The following NEK11 variants were observed in gnomAD, a reference collection of about 807,000 sequenced individuals.
NEK11 encodes NIMA related kinase 11, also known as serine/threonine-protein kinase Nek11.
Under a neutral mutation model 80.7 loss-of-function variants are expected in NEK11, and 72 were observed. The ratio of observed to expected loss-of-function variants is 0.89; its 90% CI spans 0.74 to 1.08. The LOEUF is 1.08. Ranked by LOEUF, NEK11 falls within the 50% of genes least tolerant of loss-of-function variation. NEK11 has a pLI of 0.00. For synonymous variants in NEK11, 251 were observed against 260.7 expected (o/e 0.96, Z 0.36); for missense variants, 764 against 763.6 (o/e 1.00, Z -0.01).
At chr3:131,223,638 A>G (rs1252273311) in intron 14 of NEK11, among the ~76,000 whole-genome samples, 1 of 152,236 alleles carries the variant, frequency 6.6e-6, no homozygotes, top group Non-Finnish European at 1.5e-5. Flanking sequence ...AGAGTTGGGT[A>G]GTTGTGACAG....
At chr3:131,160,777 CT>C (rs1444318770) in intron 10 of NEK11, among the ~76,000 whole-genome samples, 9 of 152,122 alleles carry the variant, frequency 5.9e-5, no homozygotes, top group African/African-American at 2.2e-4. Context: ...GGTTGCTGTT[CT>C]AATTTCAAAC....
chr3:131,046,617 A>G (rs2067434787), intron 3 of NEK11, among the ~76,000 whole-genome samples: 1 of 151,544 alleles, frequency 6.6e-6, no homozygotes, highest in African/African-American at 2.4e-5. Context: ...GTTCTAGGGT[A>G]CATGTGCACA....
chr3:131,345,978 AAAG>A (rs2097356784), intron 17 of NEK11, among the ~76,000 whole-genome samples: 1 of 152,170 alleles, frequency 6.6e-6, no homozygotes, highest in Admixed American at 6.5e-5. Context: ...TTAAAAAAAA[AAAG>A]AGCTCAAGTA....
At chr3:131,066,629 T>A (rs1047977898) in intron 3 of NEK11, among the ~76,000 whole-genome samples, 1 of 151,542 alleles carries the variant, frequency 6.6e-6, no homozygotes, top group Non-Finnish European at 1.5e-5. Context: ...AGGTTAGAAG[T>A]TCAAGACCAG....
At chr3:131,223,990 A>G (rs2095112124) in intron 14 of NEK11, among the ~76,000 whole-genome samples, 1 of 152,198 alleles carries the variant, frequency 6.6e-6, no homozygotes, top group Admixed American at 6.5e-5. Flanking sequence ...CTGCATAACA[A>G]TCTTTTGGTC....
rs112607753 is a variant in NEK11, at chr3:131,185,531, C to T, written c.1399+14644C>T. 2.7e-3 allele frequency among the ~76,000 whole-genome samples: 418 copies of T among 152,156 alleles called. 2 individuals are homozygous for T. The highest frequency in any genetic ancestry group is 9.5e-3 in the African/African-American group (393 of 41,526). ...GACAGAAATGCTATTCCCTACTGTC[C>T]CCCACCAACTCAAATGCTCAACTGA... On this transcript the variant is annotated intron_variant, in intron 14 of 17. Transcript: ENST00000383366.
intron 14 of NEK11, among the ~76,000 whole-genome samples, chr3:131,185,323 A>C (rs1429949287): frequency 6.6e-6 from 1 of 152,156 alleles, no homozygotes; most frequent in Non-Finnish European, 1.5e-5. Context: ...GGGAGTAGGC[A>C]GAGAACCTTC....
intron 14 of NEK11, among the ~76,000 whole-genome samples, chr3:131,227,288 AC>A (rs1240270567): frequency 1.3e-5 from 2 of 152,204 alleles, no homozygotes; most frequent in African/African-American, 4.8e-5. Context: ...TAAGTATCTT[AC>A]TTTCAAAGGA....
intron 16 of NEK11, among the ~76,000 whole-genome samples, chr3:131,249,609 A>G (rs960638235): frequency 1.1e-4 from 16 of 152,106 alleles, no homozygotes; most frequent in Middle Eastern, 3.2e-3. Context: ...ATATTAAGTT[A>G]TGAAACCCCC....
chr3:131,280,783 A>C (rs2096383940), intron 17 of NEK11, among the ~76,000 whole-genome samples: 1 of 152,170 alleles, frequency 6.6e-6, no homozygotes, highest in African/African-American at 2.4e-5. Context: ...TCTTTGTTTT[A>C]GTTGCTTGGA....
chr3:131,063,712 A>G (rs764515761), intron 3 of NEK11, among the ~76,000 whole-genome samples: 2 of 152,166 alleles, frequency 1.3e-5, no homozygotes, highest in Non-Finnish European at 2.9e-5. Flanking sequence ...ACATAAAAGT[A>G]GTATTTGAAA....
chr3:131,270,681 G>C (rs1023823632), intron 16 of NEK11, among the ~76,000 whole-genome samples: 3 of 152,188 alleles, frequency 2.0e-5, no homozygotes, highest in Non-Finnish European at 2.9e-5. Flanking sequence ...TGCCAACCCT[G>C]TTACTCGAAA....
At chr3:131,208,890 T>A (rs1474139991) in intron 14 of NEK11, among the ~76,000 whole-genome samples, 3 of 152,234 alleles carry the variant, frequency 2.0e-5, no homozygotes, top group Admixed American at 1.3e-4. Flanking sequence ...TTTCTAAGTA[T>A]ACAATCATGT....
intron 16 of NEK11, among the ~76,000 whole-genome samples, chr3:131,244,766 T>G (rs1252382998): frequency 6.6e-6 from 1 of 151,958 alleles, no homozygotes; most frequent in Non-Finnish European, 1.5e-5. Context: ...TAACCAAATT[T>G]TTTAAAATTC....
chr3:131,209,516 C>T (rs766566339), intron 14 of NEK11, among the ~76,000 whole-genome samples: 15 of 152,184 alleles, frequency 9.9e-5, no homozygotes, highest in Admixed American at 2.6e-4. Flanking sequence ...AGGATTCCCT[C>T]TTTTTCTATT....
intron 4 of NEK11, among the ~76,000 whole-genome samples, chr3:131,085,844 A>T (rs1426030692): frequency 6.6e-6 from 1 of 152,138 alleles, no homozygotes; most frequent in Non-Finnish European, 1.5e-5. Context: ...CTATTCTAGG[A>T]TCCAATCCAG....
At chr3:131,053,341 A>T (rs1479627713) in intron 3 of NEK11, 1 of 152,252 alleles carries the variant, frequency 6.6e-6, no homozygotes, top group South Asian at 2.1e-4. Context: ...GGCTAAATTA[A>T]TAAAAGGCTA....
In NEK11 at chr3:131,120,134, GT is replaced by G. The variant is rs1249945254; in HGVS notation, c.455+10216del. Among the ~76,000 whole-genome samples the G allele has an allele frequency of 2.6e-5, 4 of 152,292 alleles. No individual in the cohort carries two copies. In the East Asian group the frequency reaches 7.7e-4, roughly 29 times the overall value. ...GCTGGTACTGGTTGTTCCTTTCCAT[GT>G]TTAGTGCTTCCTTCAGGAGGTCTTG... On this transcript the variant is annotated intron_variant, in intron 5 of 17. Transcript: ENST00000383366.
intron 3 of NEK11, among the ~76,000 whole-genome samples, chr3:131,055,585 C>T (rs1019116258): frequency 6.6e-6 from 1 of 151,978 alleles, no homozygotes; most frequent in African/African-American, 2.4e-5. Flanking sequence ...AAAACAAAAT[C>T]AGGATGTGGT....
Sources: allele counts gnomAD v4.1 joint callset (sites outside exome capture counted in the v4.1 genomes callset), GRCh38; gene constraint gnomAD v4.1.1; transcripts MANE v1.5; gene names NCBI Gene and HGNC (gene_info 2026-07-23, HGNC 2026-07-21).